LAMB1: variants seen among roughly 807,000 people sequenced by gnomAD.
LAMB1 encodes laminin subunit beta-1.
LAMB1 carries 121 observed loss-of-function variants against 222.3 expected under a neutral mutation model. The ratio of observed to expected loss-of-function variants is 0.54; its 90% CI spans 0.47 to 0.63. LAMB1 has a LOEUF of 0.63. LAMB1 is among the 30% of genes least tolerant of loss of function. LAMB1 has a pLI of 0.00. For missense variants in LAMB1, 2,172 were observed against 2,240.8 expected (o/e 0.97, Z 0.62); for synonymous variants, 794 against 807.2 (o/e 0.98, Z 0.28).
rs1450592977 is a variant in LAMB1 at position 107,995,065 on chromosome 7, A to AATT, written c.350-108_350-106dup. ...AAATTACTTTTATGTTCCCCATAGAAATTATCCTCGCATTCTACCTTAAGC... is the reference window on the plus strand; with the variant it reads ...AAATTACTTTTATGTTCCCCATAGAAATTATTATCCTCGCATTCTACCTTAAGC... On this transcript the variant is annotated intron_variant, in intron 4 of 33. Coordinates refer to ENST00000222399, the MANE Select transcript of LAMB1 (RefSeq NM_002291.3). 27 of 633,020 alleles carry AATT rather than the reference A, an allele frequency of 4.3e-5. No homozygotes were observed. The African/African-American group carries it at 4.7e-4, about 11-fold the overall frequency. 39.2% of individuals were successfully genotyped at this position (633,020 alleles called of 1,614,324 possible). A position where few individuals can be genotyped will look rare whatever the true frequency, so the allele number is the denominator to read the frequency against.
At chr7:107,978,200 G>T in intron 8 of LAMB1, 33 bp from the exon 9 acceptor site, 4 of 1,607,328 alleles carry the variant, frequency 2.5e-6, no homozygotes, top group Non-Finnish European at 3.4e-6. Context: ...GAGAACAAAG[G>T]AAGAGATGTA....
intron 29 of LAMB1, among the ~76,000 whole-genome samples, chr7:107,931,102 A>G (rs966563790): frequency 4.6e-5 from 7 of 152,106 alleles, no homozygotes; most frequent in African/African-American, 4.8e-5. Context: ...TCCACGTTCA[A>G]TTTTCAATGT....
chr7:107,990,802 G>A (rs1429030994), intron 5 of LAMB1, among the ~76,000 whole-genome samples: 1 of 152,236 alleles, frequency 6.6e-6, no homozygotes, highest in Non-Finnish European at 1.5e-5. Flanking sequence ...GAGTATGGCA[G>A]TGAGTGGACA....
chr7:107,961,139 C>G, intron 17 of LAMB1, 67 bp downstream of exon 17: 1 of 1,598,858 alleles, frequency 6.3e-7, no homozygotes. Flanking sequence ...AACAAAACAC[C>G]CTGAGAGCAG....
Position 107,929,108 on chromosome 7 carries a change from G to C in LAMB1, c.4843C>G (p.Gln1615Glu), listed in dbSNP as rs2032641178. ...GTTCCTTGAATGTCTTCATCTGCTTGTTTAATTGCCTTCTCTGCTGCGACC... is the reference window on the plus strand; with the variant it reads ...GTTCCTTGAATGTCTTCATCTGCTTCTTTAATTGCCTTCTCTGCTGCGACC... ...AQVAAEKAIKQADEDIQGTQN... is the reference protein window; with the variant it reads ...AQVAAEKAIKEADEDIQGTQN... Residue 1615 changes from glutamine (Q) to glutamate (E), a missense_variant, in exon 31 of 34, where the codon CAA (glutamine) becomes GAA (glutamate). Gln to Glu is a conservative substitution (Grantham distance 29). Transcript: ENST00000222399. 1 of 1,614,020 alleles carries C rather than the reference G, an allele frequency of 6.2e-7. No homozygotes were observed. The highest frequency in any genetic ancestry group is 8.5e-7 in the Non-Finnish European group (1 of 1,179,984).
chr7:107,993,279 G>A (rs572207551), intron 5 of LAMB1, among the ~76,000 whole-genome samples: 42 of 152,242 alleles, frequency 2.8e-4, no homozygotes, highest in African/African-American at 9.6e-4. Flanking sequence ...GACTACAGGC[G>A]CGTGCCACCA....
At chr7:107,984,871 CT>C (rs767154530) in intron 7 of LAMB1, among the ~76,000 whole-genome samples, 6 of 151,660 alleles carry the variant, frequency 4.0e-5, no homozygotes, top group Non-Finnish European at 8.8e-5. Flanking sequence ...TATAGTTATG[CT>C]AAAAAAAAGA....
At chr7:107,973,850 T>C (rs1290500007) in intron 12 of LAMB1, among the ~76,000 whole-genome samples, 1 of 152,196 alleles carries the variant, frequency 6.6e-6, no homozygotes, top group Non-Finnish European at 1.5e-5. Flanking sequence ...CGTTTCATCA[T>C]GTTGGCCAGG....
intron 27 of LAMB1, among the ~76,000 whole-genome samples, chr7:107,933,120 C>T (rs1052563654): frequency 6.6e-6 from 1 of 152,182 alleles, no homozygotes; most frequent in African/African-American, 2.4e-5. Flanking sequence ...TTCTTACCTA[C>T]CAAAACCTCT....
intron 29 of LAMB1, among the ~76,000 whole-genome samples, chr7:107,930,855 G>A (rs185462965): frequency 6.6e-6 from 1 of 152,298 alleles, no homozygotes; most frequent in East Asian, 1.9e-4. Context: ...ATCTTATTAA[G>A]ATGTGAGATA....
At chr7:107,953,471 A>T in intron 22 of LAMB1, 59 bp downstream of exon 22, 6 of 1,207,394 alleles carry the variant, frequency 5.0e-6, no homozygotes, top group Non-Finnish European at 7.4e-6. Context: ...AAATCTGCTG[A>T]TAATGAAAAA....
chr7:107,926,071 T>G, intron 32 of LAMB1, 112 bp downstream of exon 32: 1 of 765,226 alleles, frequency 1.3e-6, no homozygotes, highest in Non-Finnish European at 2.2e-6. Flanking sequence ...CATTTGATAT[T>G]TCTGATGAAT....
intron 3 of LAMB1, among the ~76,000 whole-genome samples, chr7:108,001,120 G>C (rs2034373868): frequency 6.6e-6 from 1 of 152,160 alleles, no homozygotes; most frequent in Admixed American, 6.5e-5. Flanking sequence ...GGTTCGTTCA[G>C]TGATTGGAAT....
intron 31 of LAMB1, among the ~76,000 whole-genome samples, chr7:107,927,062 T>C (rs2032583465): frequency 6.6e-6 from 1 of 152,222 alleles, no homozygotes; most frequent in South Asian, 2.1e-4. Context: ...CACTGAGCAC[T>C]CAATTTTTCT....
intron 24 of LAMB1, among the ~76,000 whole-genome samples, chr7:107,949,806 T>G (rs2033202133): frequency 6.6e-6 from 1 of 152,216 alleles, no homozygotes; most frequent in African/African-American, 2.4e-5. Flanking sequence ...CACATGGGTT[T>G]GCACCCTGAA....
chr7:108,002,899 A>C lies in LAMB1; in HGVS notation c.-14T>G. 1 of 1,613,622 alleles carries C rather than the reference A, an allele frequency of 6.2e-7. No individual in the cohort carries two copies. The highest frequency in any genetic ancestry group is 8.5e-7 in the Non-Finnish European group (1 of 1,179,980). ...GAGAAGCCCCATGCCGGCTCCCTGC[A>C]GCCACGGGGACGCGGCAGAGGAGTG... On this transcript the variant is annotated 5_prime_UTR_variant, in exon 2 of 34. Transcript: ENST00000222399.
chr7:107,937,103 T>G lies in LAMB1; in HGVS notation c.3936A>C (p.Ser1312=). The change falls in exon 26 of 34, where the codon TCA becomes TCC. Residue 1312 remains serine, a synonymous_variant. Coordinates refer to ENST00000222399, the MANE Select transcript of LAMB1 (RefSeq NM_002291.3). ...CCAAAAAATGCTCACCCCGAATATC[T>G]GAGTTTTTGATAAATTCCAGTTGTT... The part of the protein sequence containing the change: ...LAEQLEFIKN[S]DIRGALDSIT... 1 of 1,613,592 alleles carries G rather than the reference T, an allele frequency of 6.2e-7. No homozygotes were observed.
In LAMB1 at chr7:107,932,329, C is replaced by G; in HGVS notation, c.4237G>C (p.Gly1413Arg). 6.2e-7 allele frequency: 1 copy of G among 1,614,176 alleles called. No homozygotes were observed. The highest frequency in any genetic ancestry group is 8.5e-7 in the Non-Finnish European group (1 of 1,180,022). ...CCTTCGTCAGTTCTGCAGTTTGGCCCGCCACATTCAGTCTCGGAACAGGAG... is the reference window on the plus strand; with the variant it reads ...CCTTCGTCAGTTCTGCAGTTTGGCCGGCCACATTCAGTCTCGGAACAGGAG... ...GASCSETECG[G>R]PNCRTDEGER... The change falls in exon 28 of 34, where the codon GGG (glycine) becomes CGG (arginine). Residue 1413 changes from glycine (G) to arginine (R), a missense_variant. Gly to Arg is a moderately radical substitution (Grantham distance 125). Transcript: ENST00000222399.
Position 107,966,772 on chromosome 7 carries a change from G to A in LAMB1, c.1563-2085C>T, listed in dbSNP as rs569179953. Among the ~76,000 whole-genome samples the A allele has an allele frequency of 2.8e-3, 425 of 152,324 alleles. 2 individuals are homozygous for A. The highest frequency in any genetic ancestry group is 9.5e-3 in the African/African-American group (395 of 41,570). ...ACCATTAGAGAACGAGCAAATGAAG[G>A]TGAGGACAAAGGCGCCAGCAGGCTC... On this transcript the variant is annotated intron_variant, in intron 13 of 33. Coordinates refer to ENST00000222399, the MANE Select transcript of LAMB1 (RefSeq NM_002291.3).
Sources: allele counts gnomAD v4.1 joint callset (sites outside exome capture counted in the v4.1 genomes callset), GRCh38; gene constraint gnomAD v4.1.1; transcripts MANE v1.5; gene names NCBI Gene and HGNC (gene_info 2026-07-23, HGNC 2026-07-21).